Variants in TCEAL4 observed in about 807,000 individuals in gnomAD.
The protein encoded by TCEAL4 is transcription elongation factor A protein-like 4.
In TCEAL4, 1 loss-of-function variant was observed where a neutral mutation model predicts 1.3. That is an observed-to-expected ratio of 0.79 (90% CI 0.28 to 3.76). The LOEUF is 3.76. TCEAL4 is among the 30% of genes most tolerant of loss of function. TCEAL4 has a pLI of 0.18. For missense variants in TCEAL4, 129 were observed against 154.7 expected (o/e 0.83, Z 0.88); for synonymous variants, 54 against 50.7 (o/e 1.06, Z -0.28).
At chrX:103,586,547 A>C in intron 2 of TCEAL4, 102 bp from the exon 3 acceptor site, 1 of 1,032,835 alleles carries the variant, frequency 9.7e-7, no homozygotes, top group Non-Finnish European at 1.3e-6. Context: ...AACCCTCATC[A>C]GGGGTGAGAT....
At chrX:103,582,951 C>T (rs764658286), upstream of TCEAL4, among the ~76,000 whole-genome samples, 2 of 111,539 alleles carry the variant, frequency 1.8e-5, no homozygotes, top group East Asian at 2.8e-4. Context: ...ACCTACAGAA[C>T]GGGATAAAAT....
chrX:103,576,998 A>G, intron 1 of TCEAL4: 1 of 1,041,975 alleles, frequency 9.6e-7, no homozygotes, highest in Non-Finnish European at 1.3e-6. Context: ...GAATATTCCA[A>G]AAATGCCAGG....
Position 103,586,828 on chromosome X carries a change from C to A in TCEAL4, c.153C>A (p.Gly51=). ...LENEGKTENK[G]KTGDEEMLKD... ...ACGAGGGAAAGACAGAAAACAAGGG[C>A]AAAACAGGAGATGAGGAAATGTTAA... The change falls in exon 3 of 3, where the codon GGC becomes GGA. Residue 51 remains glycine (G), a synonymous_variant. Transcript: ENST00000472484. 8.3e-7 allele frequency: 1 copy of A among 1,205,178 alleles called. No individual in the cohort carries two copies. The highest frequency in any genetic ancestry group is 1.8e-5 in the South Asian group (1 of 56,146).
exon 1 of TCEAL4, chrX:103,576,256 CT>C: frequency 2.1e-6 from 1 of 475,234 alleles, no homozygotes; most frequent in Non-Finnish European, 3.4e-6. Flanking sequence ...GGCTGACAAA[CT>C]TTTTCCATAA....
chrX:103,577,772 GC>G (rs2073490841), intron 2 of TCEAL4, among the ~76,000 whole-genome samples: 1 of 111,686 alleles, frequency 9.0e-6, no homozygotes, highest in African/African-American at 3.2e-5. Context: ...GTGAAAATCT[GC>G]ATATATAATA....
chrX:103,582,656 A>T (rs183822820), upstream of TCEAL4, among the ~76,000 whole-genome samples: 13 of 112,315 alleles, frequency 1.2e-4, no homozygotes, highest in African/African-American at 4.2e-4. Context: ...AGCAATGGGG[A>T]AAGGATTCCC....
chrX:103,586,307 G>A lies in TCEAL4; in HGVS notation c.-28+16G>A, dbSNP rs1366410335. On this transcript the variant is annotated intron_variant, in intron 2 of 2. Transcript: ENST00000472484. ...ATCCCCGCAGGTCCGTGAAAGTACG[G>A]GGCTGCATGGACAGGGGCCCACAAG... 1.1e-5 allele frequency: 13 copies of A among 1,164,904 alleles called. No individual in the cohort carries two copies. In the East Asian group the frequency reaches 4.2e-4, roughly 38 times the overall value.
intron 2 of TCEAL4, among the ~76,000 whole-genome samples, chrX:103,579,999 G>A (rs967855898): frequency 9.0e-6 from 1 of 111,606 alleles, no homozygotes; most frequent in Non-Finnish European, 1.9e-5. Flanking sequence ...GGTTAAAATT[G>A]TAGCCTTATA....
intron 2 of TCEAL4, among the ~76,000 whole-genome samples, chrX:103,579,472 G>A (rs1171804225): frequency 2.7e-5 from 3 of 111,842 alleles, no homozygotes; most frequent in Non-Finnish European, 5.7e-5. Context: ...TTAGTTTTTG[G>A]TGTACAAGTC....
At chrX:103,585,857 A>G (rs992301159) in intron 1 of TCEAL4, 2 of 1,047,327 alleles carry the variant, frequency 1.9e-6, no homozygotes, top group African/African-American at 3.9e-5. Context: ...CTCGCTTTCC[A>G]GGCACATCCT....
At chrX:103,583,141 A>G (rs1387194200), upstream of TCEAL4, among the ~76,000 whole-genome samples, 1 of 112,663 alleles carries the variant, frequency 8.9e-6, no homozygotes, top group Non-Finnish European at 1.9e-5. Context: ...ACTGATAGAG[A>G]AATGCAAATC....
Position 103,585,638 on chromosome X carries a change from C to A in TCEAL4, c.-101+14C>A, listed in dbSNP as rs1414191076. 3.4e-6 allele frequency: 4 copies of A among 1,165,703 alleles called. No individual in the cohort carries two copies. The highest frequency in any genetic ancestry group is 3.8e-5 in the South Asian group (2 of 52,585). On this transcript the variant is annotated intron_variant, in intron 1 of 2. Transcript: ENST00000472484. ...AGCTTCTTCCAGGTCAGTGTGCGGG[C>A]CTTCCACGCTGCCAGCGGAACACTG...
chrX:103,586,593 A>C (rs1180086664), intron 2 of TCEAL4, 56 bp from the exon 3 acceptor site: 10 of 1,147,703 alleles, frequency 8.7e-6, no homozygotes, highest in Non-Finnish European at 1.0e-5. Context: ...CACCCCATGC[A>C]CTCAGTCTCC....
In TCEAL4 at chrX:103,586,864, A is replaced by C. The variant is rs1376755186; in HGVS notation, c.189A>C (p.Gly63=). 2.5e-6 allele frequency: 3 copies of C among 1,196,111 alleles called. No homozygotes were observed. The Admixed American group carries it at 6.9e-5, about 28-fold the overall frequency. The change falls in exon 3 of 3, where the codon GGA becomes GGC. Residue 63 remains glycine (G), a synonymous_variant. Coordinates refer to ENST00000472484, the MANE Select transcript of TCEAL4 (RefSeq NM_001006935.3). ...ATGAGGAAATGTTAAAGGATAAAGG[A>C]AAGCCAGAGAGTGAGGGAGAGGCAA... ...TGDEEMLKDK[G]KPESEGEAKE... is the part of the protein sequence containing the mutation.
Position 103,585,531 on chromosome X carries a change from A to G in TCEAL4, c.-194A>G, listed in dbSNP as rs930288088. On this transcript the variant is annotated 5_prime_UTR_variant, in exon 1 of 3. An upstream open reading frame in the 5' UTR loses its in-frame stop. Transcript: ENST00000472484. ...ACGTGATCTGCACGGGCGCAGATGT[A>G]GGCACCGGTCCGAGTGCCTGCCCTC... 2.4e-5 allele frequency: 28 copies of G among 1,150,246 alleles called. No individual in the cohort carries two copies. The highest frequency in any genetic ancestry group is 2.8e-5 in the Non-Finnish European group (24 of 863,271). 94.8% of individuals were successfully genotyped at this position (1,150,246 alleles called of 1,213,427 possible).
intron 1 of TCEAL4, 98 bp from the exon 2 acceptor site, chrX:103,586,121 A>G: frequency 1.8e-6 from 2 of 1,115,999 alleles, no homozygotes; most frequent in African/African-American, 3.7e-5. Flanking sequence ...GGGGAGGAAA[A>G]CGTTGGATGA....
chrX:103,580,044 A>G (rs2073500729), intron 2 of TCEAL4, among the ~76,000 whole-genome samples: 1 of 111,614 alleles, frequency 9.0e-6, no homozygotes, highest in African/African-American at 3.3e-5. Flanking sequence ...GAATTGTCCC[A>G]CCAGGGATAA....
At chrX:103,577,141 C>G in exon 2 of TCEAL4, 4 of 1,166,698 alleles carry the variant, frequency 3.4e-6, no homozygotes, top group Non-Finnish European at 4.6e-6. Flanking sequence ...TCTGTCAATG[C>G]GAAGAATGGA....
chrX:103,578,531 C>T (rs763338305), intron 2 of TCEAL4, among the ~76,000 whole-genome samples: 1 of 111,601 alleles, frequency 9.0e-6, no homozygotes, highest in South Asian at 3.7e-4. Flanking sequence ...TTATTATATC[C>T]ATCCTAGTGG....
Sources: gnomAD v4.1 joint callset for allele counts (sites outside exome capture counted in the v4.1 genomes callset) on GRCh38, gnomAD v4.1.1 for gene constraint, MANE v1.5 for transcripts, NCBI Gene and HGNC (gene_info 2026-07-23, HGNC 2026-07-21) for gene names.